Variants in PSD3 observed in about 807,000 individuals in gnomAD.
PSD3 encodes pleckstrin and Sec7 domain containing 3.
Under a neutral mutation model 105.5 loss-of-function variants are expected in PSD3, and 49 were observed. That is an observed-to-expected ratio of 0.46 (90% CI 0.37 to 0.59). The LOEUF is 0.59. Ranked by LOEUF, PSD3 falls within the 20% of genes least tolerant of loss-of-function variation. The pLI is 0.00. For missense variants in PSD3, 1,561 were observed against 1,263.8 expected, an observed-to-expected ratio of 1.24 and a Z score of -3.57; for synonymous variants, 557 against 457.8, an observed-to-expected ratio of 1.22 and a Z score of -2.77.
chr8:18,758,543 G>T (rs1806251811), intron 9 of PSD3, among the ~76,000 whole-genome samples: 2 of 150,106 alleles, frequency 1.3e-5, no homozygotes, highest in Admixed American at 6.7e-5. Context: ...TTCATCTGTT[G>T]TTCTTTACCC....
At chr8:19,073,550 C>CAAAAAAAAAAAAAAAAAAAA (rs869154642) in intron 1 of PSD3, among the ~76,000 whole-genome samples, 4 of 69,126 alleles carry the variant, frequency 5.8e-5, no homozygotes, top group African/African-American at 2.5e-4. Flanking sequence ...AACTGTCTCT[C>CAAAAAAAAAAAAAAAAAAAA]AAAAAAAAAA....
rs1272746568 is a variant in PSD3 at position 18,531,630 on chromosome 8, A to T, written c.*4113T>A. 1 of 152,278 alleles carries T rather than the reference A, an allele frequency of 6.6e-6. No individual in the cohort carries two copies. The highest frequency in any genetic ancestry group is 1.9e-4 in the East Asian group (1 of 5,192). 9.4% of individuals were successfully genotyped at this position (152,278 alleles called of 1,614,324 possible). A position where few individuals can be genotyped will look rare whatever the true frequency, so the allele number is the denominator to read the frequency against. On this transcript the variant is annotated 3_prime_UTR_variant, in exon 16 of 16. Transcript: ENST00000327040. The stretch of plus-strand genomic sequence containing the variant: ...CCAGAAAGCTGTGGAGCAAGGTAGG[A>T]GGCCCAGAGGCGCATCTGCCTGCAA...
intron 9 of PSD3, among the ~76,000 whole-genome samples, chr8:18,658,565 C>T (rs986304807): frequency 1.3e-4 from 19 of 150,134 alleles, no homozygotes; most frequent in African/African-American, 2.2e-4. Flanking sequence ...CTTGGTCACC[C>T]GGGCTGGAGT....
At chr8:19,046,452 G>C (rs753890251) in intron 1 of PSD3, among the ~76,000 whole-genome samples, 17 of 152,084 alleles carry the variant, frequency 1.1e-4, no homozygotes, top group Non-Finnish European at 1.8e-4. Context: ...CATTTTAGCA[G>C]CAACCGATTT....
chr8:18,916,943 A>C (rs926197098), intron 2 of PSD3, among the ~76,000 whole-genome samples: 1 of 152,000 alleles, frequency 6.6e-6, no homozygotes, highest in East Asian at 1.9e-4. Context: ...AATAATATAA[A>C]ATCTCTTCCC....
chr8:19,075,352 C>T (rs1478326624), intron 1 of PSD3, among the ~76,000 whole-genome samples: 2 of 152,242 alleles, frequency 1.3e-5, no homozygotes, highest in East Asian at 3.9e-4. Context: ...ATCCTCCCAC[C>T]TTGGCCTCCC....
intron 1 of PSD3, among the ~76,000 whole-genome samples, chr8:18,982,998 T>A (rs903697561): frequency 4.6e-5 from 7 of 152,226 alleles, no homozygotes; most frequent in Admixed American, 3.3e-4. Flanking sequence ...CTTTTCCCAA[T>A]AGAAGGCTGT....
At chr8:18,861,349 C>G (rs1437206834) in intron 4 of PSD3, among the ~76,000 whole-genome samples, 1 of 152,156 alleles carries the variant, frequency 6.6e-6, no homozygotes, top group Non-Finnish European at 1.5e-5. Flanking sequence ...TGAGCCCCTC[C>G]TCACAGTCCC....
chr8:19,023,935 T>A (rs1249719066), intron 1 of PSD3, among the ~76,000 whole-genome samples: 1 of 152,234 alleles, frequency 6.6e-6, no homozygotes, highest in Non-Finnish European at 1.5e-5. Context: ...CACTATGCAC[T>A]GTACTGTACT....
At position 19,073,507 on chromosome 8, in the gene PSD3, C is replaced by T. The variant is rs367589302; in HGVS notation, c.324+10699G>A. 8.1e-4 allele frequency among the ~76,000 whole-genome samples: 109 copies of T among 134,772 alleles called. 1 individual carries two copies. Among genetic ancestry groups the T allele is most frequent in the African/African-American group, 2.8e-3 (97 of 34,766 alleles). The allele number at this position is 134,772 out of a possible 152,430, so 88.4% of individuals were successfully genotyped here. On this transcript the variant is annotated intron_variant, in intron 1 of 1. Transcript: ENST00000521475. ...TGGAGGTTGCAGTGAGCCGAGATCA[C>T]GACACTGCACTCCAGCCTGGGCGAC...
chr8:18,647,925 C>T (rs1585493191), intron 10 of PSD3, among the ~76,000 whole-genome samples: 1 of 152,206 alleles, frequency 6.6e-6, no homozygotes, highest in African/African-American at 2.4e-5. Flanking sequence ...CCAGCTCCCC[C>T]TTCACTTTCT....
chr8:19,020,172 A>G (rs562502052), intron 1 of PSD3, among the ~76,000 whole-genome samples: 2 of 152,314 alleles, frequency 1.3e-5, no homozygotes, highest in African/African-American at 4.8e-5. Flanking sequence ...CCCTTCCCTC[A>G]TGGAGCTTGG....
intron 9 of PSD3, among the ~76,000 whole-genome samples, chr8:18,752,550 ATATAATTATATATATT>A (rs1805627076): frequency 1.8e-4 from 2 of 11,350 alleles, no homozygotes; most frequent in African/African-American, 2.5e-4. Context: ...TATATATTAT[ATATAATTATATATATT>A]ATATATATAA....
At chr8:18,928,524 C>CA (rs2129468231) in intron 2 of PSD3, among the ~76,000 whole-genome samples, 2 of 152,180 alleles carry the variant, frequency 1.3e-5, no homozygotes, top group Non-Finnish European at 1.5e-5. Context: ...TTATTCCACA[C>CA]AAAAAAGTAG....
chr8:19,002,246 C>A (rs990727005), intron 1 of PSD3, among the ~76,000 whole-genome samples: 1 of 151,960 alleles, frequency 6.6e-6, no homozygotes, highest in Non-Finnish European at 1.5e-5. Flanking sequence ...ATGGAACTTT[C>A]CCAGCCTAAA....
At chr8:18,721,454 T>C (rs1295458555) in intron 9 of PSD3, among the ~76,000 whole-genome samples, 1 of 152,220 alleles carries the variant, frequency 6.6e-6, no homozygotes, top group African/African-American at 2.4e-5. Flanking sequence ...TTGTTTTTCC[T>C]TGAAGTTCTA....
intron 2 of PSD3, among the ~76,000 whole-genome samples, chr8:18,896,151 T>C (rs1421662746): frequency 6.6e-6 from 1 of 152,262 alleles, no homozygotes; most frequent in East Asian, 1.9e-4. Flanking sequence ...CAGAATTTCA[T>C]TCTTTGTTAC....
In PSD3 at chr8:18,957,753, C is replaced by G. The variant is rs572736189; in HGVS notation, c.22-21611G>C. Among the ~76,000 whole-genome samples the G allele has an allele frequency of 2.0e-5, 3 of 152,308 alleles. No individual in the cohort carries two copies. The East Asian group carries it at 5.8e-4, about 29-fold the overall frequency. On this transcript the variant is annotated intron_variant, in intron 1 of 15. Coordinates refer to ENST00000327040, the MANE Select transcript of PSD3 (RefSeq NM_015310.4). ...CCGAGGTTCTTATGAGGCTCTCTAG[C>G]AGGAAGCCACTGCTTGCCAAAGCTC...
At chr8:18,825,844 C>G (rs989059877) in intron 4 of PSD3, among the ~76,000 whole-genome samples, 1 of 152,150 alleles carries the variant, frequency 6.6e-6, no homozygotes, top group Admixed American at 6.5e-5. Context: ...TGATCAGAAT[C>G]AAGTTCTTCC....
Sources: allele counts gnomAD v4.1 joint callset (sites outside exome capture counted in the v4.1 genomes callset), GRCh38; gene constraint gnomAD v4.1.1; transcripts MANE v1.5; gene names NCBI Gene and HGNC (gene_info 2026-07-23, HGNC 2026-07-21).